Variants in DLGAP2 observed in about 807,000 individuals in gnomAD.
DLGAP2 encodes the protein DLG associated protein 2.
A neutral mutation model predicts 100.3 loss-of-function variants in DLGAP2; 26 were observed. The observed-to-expected ratio is 0.26, with a 90% CI of 0.19 to 0.36. The LOEUF (loss-of-function observed/expected upper bound fraction) is 0.36, where lower values mean the gene tolerates loss of function less well. Ranked by LOEUF, DLGAP2 falls within the 10% of genes least tolerant of loss-of-function variation. The pLI is 1.00. For synonymous variants in DLGAP2, 886 were observed against 630.1 expected (o/e 1.41, Z -6.08); for missense variants, 1,858 against 1,453.2 (o/e 1.28, Z -4.53).
At chr8:933,520 G>A (rs1799008299) in intron 2 of DLGAP2, among the ~76,000 whole-genome samples, 1 of 137,226 alleles carries the variant, frequency 7.3e-6, no homozygotes. Flanking sequence ...AGCCTGCTGT[G>A]GAGACACCTG....
chr8:1,229,018 G>A (rs1325995314), intron 2 of DLGAP2, among the ~76,000 whole-genome samples: 1 of 152,066 alleles, frequency 6.6e-6, no homozygotes, highest in African/African-American at 2.4e-5. Context: ...AAGTTGTATA[G>A]AAAATATTTA....
chr8:1,416,252 C>T (rs1253211826), intron 3 of DLGAP2, among the ~76,000 whole-genome samples: 1 of 152,122 alleles, frequency 6.6e-6, no homozygotes, highest in South Asian at 2.1e-4. Flanking sequence ...TACAGAGTGG[C>T]GACCAGCCCG....
At chr8:1,658,613 T>C (rs1798338202) in intron 8 of DLGAP2, among the ~76,000 whole-genome samples, 1 of 152,182 alleles carries the variant, frequency 6.6e-6, no homozygotes, top group African/African-American at 2.4e-5. Context: ...CCTTCTAGAT[T>C]TTCTAGTTTA....
intron 1 of DLGAP2, chr8:740,287 A>G (rs528238714): frequency 2.0e-3 from 306 of 152,316 alleles, no homozygotes; most frequent in African/African-American, 7.1e-3. Context: ...TTCAATGTCT[A>G]TTTGTTATTC....
At chr8:1,174,178 C>A (rs1797198748) in intron 2 of DLGAP2, among the ~76,000 whole-genome samples, 1 of 152,102 alleles carries the variant, frequency 6.6e-6, no homozygotes, top group South Asian at 2.1e-4. Flanking sequence ...GAATTAGGTA[C>A]ATTTTCCAGG....
chr8:1,683,856 A>ATATGTGTGTG (rs1467438870), intron 12 of DLGAP2, among the ~76,000 whole-genome samples: 1 of 62,226 alleles, frequency 1.6e-5, no homozygotes, highest in Non-Finnish European at 2.7e-5. Context: ...ATATATATAT[A>ATATGTGTGTG]TGTGTGTGTG....
chr8:1,171,275 A>G (rs1454193286), intron 2 of DLGAP2, among the ~76,000 whole-genome samples: 3 of 152,126 alleles, frequency 2.0e-5, no homozygotes, highest in Admixed American at 6.5e-5. Context: ...GTTCTTTTAC[A>G]TGTGCTGAGG....
At chr8:1,496,454 G>A (rs527980408) in intron 3 of DLGAP2, among the ~76,000 whole-genome samples, 1 of 152,170 alleles carries the variant, frequency 6.6e-6, no homozygotes, top group African/African-American at 2.4e-5. Context: ...GGGCCTCTGA[G>A]GACCGGTTCT....
At chr8:1,618,651 C>T (rs951664785) in intron 6 of DLGAP2, among the ~76,000 whole-genome samples, 2 of 152,136 alleles carry the variant, frequency 1.3e-5, no homozygotes, top group South Asian at 2.1e-4. Flanking sequence ...TCAAGACTTG[C>T]GTTAAATCTA....
intron 3 of DLGAP2, among the ~76,000 whole-genome samples, chr8:1,464,123 A>G (rs1176826854): frequency 2.3e-5 from 1 of 44,426 alleles, no homozygotes; most frequent in African/African-American, 9.6e-5. Flanking sequence ...ACTGTCCCCA[A>G]AGCCACGTTC....
At chr8:1,617,782 A>G (rs571630552) in intron 6 of DLGAP2, among the ~76,000 whole-genome samples, 6 of 152,340 alleles carry the variant, frequency 3.9e-5, no homozygotes, top group South Asian at 2.1e-4. Context: ...TATTAACGCT[A>G]TGCATTACAG....
chr8:1,536,744 C>T (rs1218024085), intron 4 of DLGAP2, among the ~76,000 whole-genome samples: 2 of 152,174 alleles, frequency 1.3e-5, no homozygotes, highest in Non-Finnish European at 2.9e-5. Flanking sequence ...CCCAAAGCAT[C>T]CCATTCCTTT....
chr8:1,584,048 T>A (rs988036511), intron 6 of DLGAP2, among the ~76,000 whole-genome samples: 1 of 152,114 alleles, frequency 6.6e-6, no homozygotes, highest in East Asian at 1.9e-4. Context: ...CTCTACCACA[T>A]GCCTGTTTGC....
At chr8:758,845 G>A (rs1314613752) in intron 1 of DLGAP2, among the ~76,000 whole-genome samples, 1 of 152,110 alleles carries the variant, frequency 6.6e-6, no homozygotes, top group Non-Finnish European at 1.5e-5. Context: ...ACAGATGTGA[G>A]TCACCATGCC....
At chr8:1,342,775 T>A (rs1236320924) in intron 3 of DLGAP2, among the ~76,000 whole-genome samples, 1 of 152,238 alleles carries the variant, frequency 6.6e-6, no homozygotes, top group African/African-American at 2.4e-5. Context: ...TGTGTTGAAG[T>A]GCCGGAAAGA....
At chr8:795,099 A>C (rs1287543652) in intron 1 of DLGAP2, among the ~76,000 whole-genome samples, 1 of 152,186 alleles carries the variant, frequency 6.6e-6, no homozygotes, top group Non-Finnish European at 1.5e-5. Context: ...GCATTTTCTC[A>C]AGTAACCATC....
intron 6 of DLGAP2, among the ~76,000 whole-genome samples, chr8:1,600,062 G>A (rs1318309838): frequency 6.6e-6 from 1 of 152,110 alleles, no homozygotes; most frequent in Non-Finnish European, 1.5e-5. Context: ...TGTAAGGCAG[G>A]CCTGGTGGTG....
At chr8:1,557,070 C>G (rs1034082809) in intron 5 of DLGAP2, among the ~76,000 whole-genome samples, 2 of 152,104 alleles carry the variant, frequency 1.3e-5, no homozygotes, top group East Asian at 3.9e-4. Context: ...TGGGGTACGT[C>G]TTATGCACTG....
intron 6 of DLGAP2, among the ~76,000 whole-genome samples, chr8:1,569,763 C>G (rs540372487): frequency 1.3e-5 from 2 of 152,328 alleles, no homozygotes; most frequent in African/African-American, 4.8e-5. Context: ...TAGCTCAGCC[C>G]CAAGCCCCGT....
Sources: allele counts gnomAD v4.1 joint callset (sites outside exome capture counted in the v4.1 genomes callset), GRCh38; gene constraint gnomAD v4.1.1; transcripts MANE v1.5; gene names NCBI Gene and HGNC (gene_info 2026-07-23, HGNC 2026-07-21).